Variants in WDR49 observed in about 807,000 individuals in gnomAD.
WDR49 encodes the protein WD repeat domain 49, also known as cilia- and flagella-associated protein 337.
WDR49 carries 107 observed loss-of-function variants against 119.5 expected under a neutral mutation model. That is an observed-to-expected ratio of 0.90 (90% CI 0.77 to 1.05). The LOEUF (loss-of-function observed/expected upper bound fraction) is 1.05. WDR49 is among the 50% of genes least tolerant of loss of function. WDR49 has a pLI of 0.00. For missense variants in WDR49, 1,240 were observed against 1,220.5 expected (o/e 1.02, Z -0.24); for synonymous variants, 425 against 418.8 (o/e 1.01, Z -0.18).
chr3:167,599,552 C>T (rs111479104), intron 7 of WDR49, among the ~76,000 whole-genome samples: 2,616 of 152,244 alleles, frequency 0.017, 71 homozygotes, highest in African/African-American at 0.056. Context: ...ATCATGGACC[C>T]GCTTGGTGCT....
intron 7 of WDR49, among the ~76,000 whole-genome samples, chr3:167,596,961 A>G (rs1356500930): frequency 6.6e-5 from 10 of 150,994 alleles, no homozygotes; most frequent in Non-Finnish European, 1.5e-4. Flanking sequence ...AAAAAAAAAA[A>G]AAAGAAAAGA....
intron 7 of WDR49, among the ~76,000 whole-genome samples, chr3:167,586,184 G>T (rs886462859): frequency 1.3e-5 from 2 of 152,168 alleles, no homozygotes; most frequent in Admixed American, 6.6e-5. Flanking sequence ...AGGATTAGTG[G>T]CCTCGGGGAG....
intron 8 of WDR49, among the ~76,000 whole-genome samples, chr3:167,570,993 C>G (rs1338689520): frequency 6.7e-6 from 1 of 148,328 alleles, no homozygotes; most frequent in Non-Finnish European, 1.5e-5. Flanking sequence ...CCACTTCACT[C>G]TAGCTTGGGC....
intron 6 of WDR49, among the ~76,000 whole-genome samples, chr3:167,602,621 C>T (rs1577269196): frequency 1.3e-5 from 2 of 152,088 alleles, no homozygotes; most frequent in South Asian, 4.1e-4. Flanking sequence ...CCCTCTCCAG[C>T]CAGCTTAGCC....
Position 167,575,963 on chromosome 3 carries a change from A to G in WDR49, c.1464T>C (p.His488=), listed in dbSNP as rs757507461. ...KSEASKRVKS[H]EKAVTCVLYN... ...AAAGAACACAAGTGACTGCTTTCTC[A>G]TGGCTTTTCACCCTCTTGCTGGCTT... Residue 488 remains histidine, a synonymous_variant, in exon 8 of 19, where the codon CAT becomes CAC. Coordinates refer to ENST00000682715, the MANE Select transcript of WDR49 (RefSeq NM_001366157.1). 10 of 1,614,038 alleles carry G rather than the reference A, an allele frequency of 6.2e-6. No individual in the cohort carries two copies. In the East Asian group the frequency reaches 1.3e-4, roughly 22 times the overall value.
intron 16 of WDR49, among the ~76,000 whole-genome samples, chr3:167,518,124 A>C (rs1752291034): frequency 6.6e-6 from 1 of 151,848 alleles, no homozygotes; most frequent in Admixed American, 6.6e-5. Context: ...TTCTTAATCC[A>C]GTCTATCATT....
intron 16 of WDR49, among the ~76,000 whole-genome samples, chr3:167,517,995 G>A (rs1173243358): frequency 6.7e-6 from 1 of 149,460 alleles, no homozygotes. Context: ...TTTGGTTTTT[G>A]TCCTTGCAAT....
rs80125581 is a variant in WDR49, at chr3:167,632,245, C to A, written c.166-4953G>T. On this transcript the variant is annotated intron_variant, in intron 2 of 18. Transcript: ENST00000682715. Reference sequence around the variant, plus strand: ...ATTTTTTATTTCTAAGAACAAGAAACTACTCGGACAAATATCAAAACAACT... The same window carrying A: ...ATTTTTTATTTCTAAGAACAAGAAAATACTCGGACAAATATCAAAACAACT... 4.3e-3 allele frequency among the ~76,000 whole-genome samples: 657 copies of A among 152,144 alleles called. 3 individuals are homozygous for A. The highest frequency in any genetic ancestry group is 5.4e-3 in the Non-Finnish European group (367 of 67,956).
upstream of WDR49, among the ~76,000 whole-genome samples, chr3:167,656,646 G>C (rs1032825808): frequency 6.6e-6 from 1 of 152,142 alleles, no homozygotes; most frequent in Non-Finnish European, 1.5e-5. Flanking sequence ...AATTGACACA[G>C]TTTTCTTGCT....
intron 2 of WDR49, among the ~76,000 whole-genome samples, chr3:167,649,413 A>C (rs1359863844): frequency 6.6e-6 from 1 of 152,212 alleles, no homozygotes; most frequent in African/African-American, 2.4e-5. Context: ...CTTGAAGCAA[A>C]CAAGCACAGT....
intron 18 of WDR49, among the ~76,000 whole-genome samples, chr3:167,494,746 GA>G: frequency 6.6e-6 from 1 of 152,312 alleles, no homozygotes; most frequent in Non-Finnish European, 1.5e-5. Flanking sequence ...GGAATCTAGA[GA>G]AATGTCACAG....
chr3:167,513,286 G>A (rs142787226), intron 16 of WDR49, among the ~76,000 whole-genome samples: 1 of 152,054 alleles, frequency 6.6e-6, no homozygotes, highest in Non-Finnish European at 1.5e-5. Context: ...AGAAGAGATT[G>A]GGGGGAGGGG....
intron 2 of WDR49, among the ~76,000 whole-genome samples, chr3:167,636,130 CCT>C (rs1332087240): frequency 1.3e-5 from 2 of 151,496 alleles, no homozygotes; most frequent in Admixed American, 1.3e-4. Flanking sequence ...ACTATTTTTC[CCT>C]GAGTCCCCAA....
intron 16 of WDR49, among the ~76,000 whole-genome samples, chr3:167,511,872 C>A (rs148850771): frequency 6.6e-6 from 1 of 152,184 alleles, no homozygotes; most frequent in African/African-American, 2.4e-5. Context: ...AGGTGGGACC[C>A]GGATCCATCC....
chr3:167,654,536 T>C (rs774284345), upstream of WDR49, among the ~76,000 whole-genome samples: 49 of 152,344 alleles, frequency 3.2e-4, no homozygotes, highest in Admixed American at 2.9e-3. Flanking sequence ...TTTATGTTCA[T>C]TGTCTTGTTT....
chr3:167,483,485 AT>A (rs1750803744), intron 18 of WDR49, among the ~76,000 whole-genome samples: 2 of 151,890 alleles, frequency 1.3e-5, no homozygotes, highest in Admixed American at 1.3e-4. Context: ...CTCATTTTTA[AT>A]TTTTTTTCTT....
rs1477451312 is a variant in WDR49 at position 167,560,124 on chromosome 3, A to G, written c.1614T>C (p.Thr538=). The G allele has an allele frequency of 6.2e-7, 1 of 1,614,192 alleles. No individual in the cohort carries two copies. Among genetic ancestry groups the G allele is most frequent in the Non-Finnish European group, 8.5e-7 (1 of 1,180,036 alleles). The change falls in exon 9 of 19, where the codon ACT becomes ACC. Residue 538 remains threonine, a synonymous_variant. Coordinates refer to ENST00000682715, the MANE Select transcript of WDR49 (RefSeq NM_001366157.1). ...GAGTCTCATTTGCATCAAGGGCCATAGTGCTGATTTCTGCGTTGCCGTGGC... is the reference window on the plus strand; with the variant it reads ...GAGTCTCATTTGCATCAAGGGCCATGGTGCTGATTTCTGCGTTGCCGTGGC... ...TGCHGNAEIS[T]MALDANETRL... is the part of the protein sequence containing the mutation.
intron 9 of WDR49, among the ~76,000 whole-genome samples, chr3:167,556,606 C>T (rs191220617): frequency 1.3e-5 from 2 of 152,300 alleles, no homozygotes; most frequent in East Asian, 3.9e-4. Context: ...AAAATGCAGG[C>T]CAGGCACCGT....
intron 2 of WDR49, among the ~76,000 whole-genome samples, chr3:167,636,001 T>G (rs1382015183): frequency 6.6e-6 from 1 of 151,496 alleles, no homozygotes; most frequent in Non-Finnish European, 1.5e-5. Flanking sequence ...TGGAAAGAGG[T>G]GGTATTTGGT....
Sources: allele counts gnomAD v4.1 joint callset (sites outside exome capture counted in the v4.1 genomes callset), GRCh38; gene constraint gnomAD v4.1.1; transcripts MANE v1.5; gene names NCBI Gene and HGNC (gene_info 2026-07-23, HGNC 2026-07-21).